INSC: variants seen among roughly 807,000 people sequenced by gnomAD.
The protein encoded by INSC is INSC spindle orientation adaptor protein.
A neutral mutation model predicts 58.6 loss-of-function variants in INSC; 67 were observed. The ratio of observed to expected loss-of-function variants is 1.14; its 90% confidence interval spans 0.94 to 1.40. The LOEUF (loss-of-function observed/expected upper bound fraction) is 1.40, where lower values mean the gene tolerates loss of function less well. INSC is among the 40% of genes most tolerant of loss of function. The probability of loss-of-function intolerance (pLI) is 0.00; values close to 1 mark genes in which losing one functional copy is unlikely to be tolerated. For synonymous variants in INSC, 262 were observed against 276.1 expected (o/e 0.95, Z 0.51); for missense variants, 714 against 692.0 (o/e 1.03, Z -0.36).
chr11:15,137,249 G>T (rs146958400), intron 1 of INSC, among the ~76,000 whole-genome samples: 2 of 152,242 alleles, frequency 1.3e-5, no homozygotes, highest in African/African-American at 4.8e-5. Flanking sequence ...CAGAGAATAG[G>T]CAGAATATAT....
intron 7 of INSC, among the ~76,000 whole-genome samples, chr11:15,202,695 G>C (rs550296757): frequency 2.4e-4 from 36 of 152,316 alleles, no homozygotes; most frequent in African/African-American, 8.2e-4. Flanking sequence ...AGGAGCTTGG[G>C]ATCACCAGCC....
chr11:15,229,941 TATAATATTATATATATATTTATA>T lies in INSC; in HGVS notation c.1170+4114_1170+4136del, dbSNP rs1564916703. On this transcript the variant is annotated intron_variant, in intron 9 of 12. Coordinates refer to ENST00000379556, the MANE Select transcript of INSC (RefSeq NM_001042536.3). Reference sequence around the variant, plus strand: ...ATAAATTTTTTATATATTATATATATATAATATTATATATATATTTATATATATATATATATATTATATATATA... The same window carrying T: ...ATAAATTTTTTATATATTATATATATTATATATATATATATTATATATATA... 4.9e-3 allele frequency among the ~76,000 whole-genome samples: 33 copies of T among 6,678 alleles called. 1 individual carries two copies. The East Asian group carries it at 0.049, about 10-fold the overall frequency. 4.4% of individuals were successfully genotyped at this position (6,678 alleles called of 152,430 possible).
chr11:15,182,105 C>T (rs895992201), intron 5 of INSC, among the ~76,000 whole-genome samples: 1 of 152,086 alleles, frequency 6.6e-6, no homozygotes, highest in East Asian at 1.9e-4. Context: ...TCTTTCCCAG[C>T]CATAATTAAA....
intron 10 of INSC, among the ~76,000 whole-genome samples, chr11:15,236,298 G>C (rs1437764097): frequency 2.0e-5 from 3 of 151,970 alleles, no homozygotes; most frequent in Non-Finnish European, 4.4e-5. Context: ...CTCAGGGTGG[G>C]GGGGTGGTGG....
At chr11:15,144,407 G>T (rs1045572214) in intron 1 of INSC, among the ~76,000 whole-genome samples, 1 of 152,170 alleles carries the variant, frequency 6.6e-6, no homozygotes, top group African/African-American at 2.4e-5. Context: ...CAAATGTAGA[G>T]ATTCATAATG....
intron 6 of INSC, 110 bp downstream of exon 6, chr11:15,190,924 G>A: frequency 1.4e-6 from 1 of 710,970 alleles, no homozygotes. Flanking sequence ...CCCTGCATTA[G>A]CTGCTGAGTC....
chr11:15,205,360 A>G (rs1277452621), intron 7 of INSC, among the ~76,000 whole-genome samples: 1 of 152,184 alleles, frequency 6.6e-6, no homozygotes, highest in Non-Finnish European at 1.5e-5. Flanking sequence ...GAATCAGGCA[A>G]TCCTGGGTTT....
chr11:15,240,369 A>G, intron 11 of INSC, 78 bp from the exon 12 acceptor site: 1 of 1,269,742 alleles, frequency 7.9e-7, no homozygotes, highest in East Asian at 2.4e-5. Context: ...TTGGGTGTGC[A>G]AGGGAGGCCC....
intron 2 of INSC, among the ~76,000 whole-genome samples, chr11:15,159,755 A>C (rs1399705137): frequency 6.6e-6 from 1 of 152,198 alleles, no homozygotes; most frequent in East Asian, 1.9e-4. Context: ...CATCTGTAAA[A>C]GTAAAATCAT....
chr11:15,263,102 T>C, the INSC span, among the ~76,000 whole-genome samples: 1 of 152,164 alleles, frequency 6.6e-6, no homozygotes, highest in Non-Finnish European at 1.5e-5. Flanking sequence ...TAGATGTTTT[T>C]AAAAGCAGAT....
intron 7 of INSC, among the ~76,000 whole-genome samples, chr11:15,208,717 G>A (rs56096924): frequency 0.033 from 4,983 of 152,332 alleles, 286 homozygotes; most frequent in African/African-American, 0.11. Context: ...GGGCTGCCAG[G>A]CAGTCCAGGT....
chr11:15,202,060 G>C (rs924798302), intron 7 of INSC, among the ~76,000 whole-genome samples: 1 of 152,202 alleles, frequency 6.6e-6, no homozygotes, highest in East Asian at 1.9e-4. Context: ...GCTAAGGATG[G>C]AATGTGGATA....
At chr11:15,181,274 C>A (rs1242146744) in intron 5 of INSC, among the ~76,000 whole-genome samples, 3 of 152,208 alleles carry the variant, frequency 2.0e-5, no homozygotes, top group African/African-American at 7.2e-5. Flanking sequence ...TCCAAACTTT[C>A]AGGGTCACAG....
intron 5 of INSC, among the ~76,000 whole-genome samples, chr11:15,181,392 T>C (rs939849506): frequency 5.3e-5 from 8 of 152,152 alleles, no homozygotes; most frequent in Non-Finnish European, 1.0e-4. Flanking sequence ...GTGTGGGCTC[T>C]TGAGCAGAGG....
chr11:15,251,500 G>A (rs1444966920), downstream of INSC, among the ~76,000 whole-genome samples: 5 of 152,198 alleles, frequency 3.3e-5, no homozygotes. Context: ...ATATTTTCAA[G>A]TCACATGTCT....
intron 6 of INSC, among the ~76,000 whole-genome samples, chr11:15,191,122 A>G (rs1483785718): frequency 6.6e-6 from 1 of 151,906 alleles, no homozygotes; most frequent in Admixed American, 6.6e-5. Context: ...CTGGGACTAC[A>G]GGCGCCTGCC....
chr11:15,161,096 A>G (rs1479532025), intron 2 of INSC, among the ~76,000 whole-genome samples: 1 of 152,216 alleles, frequency 6.6e-6, no homozygotes, highest in African/African-American at 2.4e-5. Context: ...GAGTAGTCAA[A>G]TCTCTTCTTT....
At position 15,149,112 on chromosome 11, in the gene INSC, C is replaced by A. The variant is rs544907817; in HGVS notation, c.-45-18C>A. ...CTCTTTTAGGATCTCGTTGTGCCAT[C>A]CTGCCCTCTATTTTCAGGGTCACGA... On this transcript the variant is annotated intron_variant, in intron 1 of 12. Coordinates refer to ENST00000379556, the MANE Select transcript of INSC (RefSeq NM_001042536.3). The A allele has an allele frequency of 5.0e-6, 8 of 1,589,068 alleles. No individual in the cohort carries two copies. The South Asian group carries it at 5.8e-5, about 11-fold the overall frequency.
the INSC span, among the ~76,000 whole-genome samples, chr11:15,261,475 T>C: frequency 2.0e-5 from 3 of 152,218 alleles, no homozygotes; most frequent in African/African-American, 4.8e-5. Context: ...TTTGTTTTAC[T>C]GCTTCAGGCA....
Sources: gnomAD v4.1 joint callset for allele counts (sites outside exome capture counted in the v4.1 genomes callset) on GRCh38, gnomAD v4.1.1 for gene constraint, MANE v1.5 for transcripts, NCBI Gene and HGNC (gene_info 2026-07-23, HGNC 2026-07-21) for gene names.